The following PTPRJ variants were observed in gnomAD, a reference collection of about 807,000 sequenced individuals.
PTPRJ encodes the protein receptor-type tyrosine-protein phosphatase eta.
A neutral mutation model predicts 141.3 loss-of-function variants in PTPRJ; 129 were observed. The observed-to-expected ratio is 0.91, with a 90% confidence interval of 0.79 to 1.06. PTPRJ has a LOEUF of 1.06. PTPRJ is among the 50% of genes least tolerant of loss of function. PTPRJ has a pLI of 0.00. For synonymous variants in PTPRJ, 610 were observed against 640.5 expected (o/e 0.95, Z 0.72); for missense variants, 1,601 against 1,679.7 (o/e 0.95, Z 0.82).
intron 1 of PTPRJ, among the ~76,000 whole-genome samples, chr11:48,080,413 G>C (rs955387544): frequency 6.6e-6 from 1 of 152,164 alleles, no homozygotes; most frequent in Admixed American, 6.5e-5. Flanking sequence ...AGGCCAACTT[G>C]CCTGTGATCG....
chr11:48,153,694 G>T (rs1857537442), intron 18 of PTPRJ, 102 bp from the exon 19 acceptor site: 1 of 725,518 alleles, frequency 1.4e-6, no homozygotes, highest in East Asian at 2.7e-5. Context: ...AAAACAACTT[G>T]TCTATGGGAC....
intron 1 of PTPRJ, among the ~76,000 whole-genome samples, chr11:48,056,280 A>G (rs987110238): frequency 2.6e-5 from 4 of 152,234 alleles, no homozygotes; most frequent in Admixed American, 6.5e-5. Flanking sequence ...CAGATAATCC[A>G]TAAGACCCTA....
At chr11:48,159,898 A>G (rs774014657) in intron 21 of PTPRJ, 32 bp from the exon 22 acceptor site, 10 of 1,612,550 alleles carry the variant, frequency 6.2e-6, no homozygotes, top group Non-Finnish European at 8.5e-6. Flanking sequence ...GCATGATCTG[A>G]GTCTTCTTAT....
intron 10 of PTPRJ, among the ~76,000 whole-genome samples, chr11:48,138,664 G>A (rs1857160038): frequency 6.6e-6 from 1 of 152,226 alleles, no homozygotes; most frequent in Admixed American, 6.5e-5. Context: ...ATCAATGGAT[G>A]ATGCAGTATG....
intron 1 of PTPRJ, among the ~76,000 whole-genome samples, chr11:48,038,893 A>G (rs1854196274): frequency 6.6e-6 from 1 of 151,380 alleles, no homozygotes; most frequent in South Asian, 2.1e-4. Context: ...TCATGCCTGT[A>G]ATCCCAGCAC....
intron 1 of PTPRJ, among the ~76,000 whole-genome samples, chr11:48,048,204 C>T (rs1210962362): frequency 6.6e-6 from 1 of 152,154 alleles, no homozygotes; most frequent in African/African-American, 2.4e-5. Context: ...CTTGCCTTTG[C>T]TTGGGAGGTC....
intron 1 of PTPRJ, among the ~76,000 whole-genome samples, chr11:47,983,638 G>A (rs1360765206): frequency 6.6e-6 from 1 of 152,198 alleles, no homozygotes; most frequent in Non-Finnish European, 1.5e-5. Context: ...GCTAGTTGCA[G>A]TGTCTGACTC....
intron 1 of PTPRJ, among the ~76,000 whole-genome samples, chr11:48,061,645 C>T (rs1464195492): frequency 5.3e-5 from 8 of 152,212 alleles, no homozygotes; most frequent in Non-Finnish European, 1.5e-5. Context: ...TTGCTCTCAC[C>T]ACCTCTCTGT....
intron 1 of PTPRJ, among the ~76,000 whole-genome samples, chr11:48,088,850 A>G (rs1855783679): frequency 6.6e-6 from 1 of 152,018 alleles, no homozygotes; most frequent in Non-Finnish European, 1.5e-5. Context: ...GCTCAGGGTG[A>G]TGTTAGCAAA....
Position 48,069,445 on chromosome 11 carries a change from A to ATTTTT in PTPRJ, c.97-40596_97-40592dup, listed in dbSNP as rs35405916. On this transcript the variant is annotated intron_variant, in intron 1 of 24. Coordinates refer to ENST00000418331, the MANE Select transcript of PTPRJ (RefSeq NM_002843.4). ...GGCTGTGATAAAAACTACATTGATA[A>ATTTTT]TTTTTTTTTTTTTTTTTTTTTGGAG... 1.2e-4 allele frequency among the ~76,000 whole-genome samples: 14 copies of ATTTTT among 121,322 alleles called. 6 individuals are homozygous for ATTTTT. The highest frequency in any genetic ancestry group is 1.0e-4 in the Non-Finnish European group (6 of 59,588). The allele number at this position is 121,322 out of a possible 152,430, so 79.6% of individuals were successfully genotyped here.
Position 48,164,383 on chromosome 11 carries a change from T to C in PTPRJ, c.3723T>C (p.Ala1241=). The C allele has an allele frequency of 6.2e-7, 1 of 1,613,864 alleles. No individual in the cohort carries two copies. The highest frequency in any genetic ancestry group is 8.5e-7 in the Non-Finnish European group (1 of 1,179,908). Residue 1241 remains alanine (A), a synonymous_variant, in exon 24 of 25, where the codon GCT becomes GCC. Transcript: ENST00000418331. ...PESPILVHCS[A]GVGRTGTFIA... is the part of the protein sequence containing the mutation. ...GCTTATTTCTCTTTTCTCTCAGTGC[T>C]GGGGTCGGAAGGACGGGCACTTTCA... is the stretch of plus-strand genomic sequence containing the variant.
chr11:48,054,604 C>T (rs1565279445), intron 1 of PTPRJ, among the ~76,000 whole-genome samples: 1 of 151,920 alleles, frequency 6.6e-6, no homozygotes, highest in African/African-American at 2.4e-5. Flanking sequence ...CTTGTTTGCC[C>T]TCTCTGTGGT....
intron 1 of PTPRJ, among the ~76,000 whole-genome samples, chr11:48,020,991 T>C (rs746494909): frequency 3.3e-5 from 5 of 152,174 alleles, no homozygotes; most frequent in Non-Finnish European, 7.3e-5. Context: ...TTATTTTTAT[T>C]TTTCTTACTT....
At chr11:48,046,774 G>A (rs1854408806) in intron 1 of PTPRJ, among the ~76,000 whole-genome samples, 1 of 151,576 alleles carries the variant, frequency 6.6e-6, no homozygotes, top group South Asian at 2.1e-4. Context: ...TGTAAACTTA[G>A]GCTCAGAGAG....
intron 8 of PTPRJ, 27 bp downstream of exon 8, chr11:48,130,743 C>A: frequency 1.3e-6 from 2 of 1,553,922 alleles, no homozygotes; most frequent in Non-Finnish European, 1.8e-6. Context: ...TTCTGTTAAA[C>A]CATCATGTTT....
chr11:48,128,111 A>C, intron 7 of PTPRJ, 68 bp downstream of exon 7: 1 of 1,525,846 alleles, frequency 6.6e-7, no homozygotes, highest in South Asian at 1.2e-5. Flanking sequence ...CAGACACAGG[A>C]TGCATGATGT....
chr11:48,054,805 T>C (rs746710350), intron 1 of PTPRJ, among the ~76,000 whole-genome samples: 4 of 151,214 alleles, frequency 2.6e-5, no homozygotes, highest in Non-Finnish European at 5.9e-5. Context: ...TCCTCATTTT[T>C]TTCCTTTCTT....
At chr11:48,142,809 G>A (rs1023944759) in intron 11 of PTPRJ, 110 bp from the exon 12 acceptor site, 2 of 1,336,798 alleles carry the variant, frequency 1.5e-6, no homozygotes, top group Admixed American at 2.5e-5. Context: ...AGCCCAGCAT[G>A]TAGCTTCCAG....
intron 1 of PTPRJ, among the ~76,000 whole-genome samples, chr11:48,002,114 A>T (rs1191047872): frequency 6.6e-6 from 1 of 150,998 alleles, no homozygotes; most frequent in Non-Finnish European, 1.5e-5. Context: ...AAATGGGCAA[A>T]TGAGTGCATT....
Sources: gnomAD v4.1 joint callset for allele counts (sites outside exome capture counted in the v4.1 genomes callset) on GRCh38, gnomAD v4.1.1 for gene constraint, MANE v1.5 for transcripts, NCBI Gene and HGNC (gene_info 2026-07-23, HGNC 2026-07-21) for gene names.